Variants in SCAI observed in about 807,000 individuals in gnomAD.
SCAI encodes protein SCAI.
SCAI carries 24 observed loss-of-function variants against 92.2 expected under a neutral mutation model. That is an observed-to-expected ratio of 0.26 (90% CI 0.19 to 0.37). The LOEUF (loss-of-function observed/expected upper bound fraction) is 0.37, where lower values mean the gene tolerates loss of function less well. SCAI is among the 10% of genes least tolerant of loss of function. The probability of loss-of-function intolerance (pLI) is 1.00; values close to 1 mark genes in which losing one functional copy is unlikely to be tolerated. For synonymous variants in SCAI, 261 were observed against 258.6 expected, an observed-to-expected ratio of 1.01 and a Z score of -0.09; for missense variants, 450 against 736.2, an observed-to-expected ratio of 0.61 and a Z score of 4.50.
intron 2 of SCAI, among the ~76,000 whole-genome samples, chr9:125,083,816 C>G (rs1423650441): frequency 3.9e-5 from 6 of 151,994 alleles, no homozygotes; most frequent in Non-Finnish European, 5.9e-5. Flanking sequence ...TTTCTACACT[C>G]TGTGAAAGAC....
intron 2 of SCAI, among the ~76,000 whole-genome samples, chr9:125,087,311 A>C (rs184148137): frequency 3.3e-4 from 51 of 152,368 alleles, no homozygotes; most frequent in African/African-American, 1.1e-3. Flanking sequence ...AGTAGCAGCC[A>C]TCCAACAAAT....
At chr9:124,969,433 T>C (rs1034944046) in intron 17 of SCAI, among the ~76,000 whole-genome samples, 2 of 152,120 alleles carry the variant, frequency 1.3e-5, no homozygotes, top group African/African-American at 4.8e-5. Context: ...TATAGGTACA[T>C]CCATACACAA....
At chr9:125,034,024 G>A (rs192837721) in intron 3 of SCAI, among the ~76,000 whole-genome samples, 1 of 152,310 alleles carries the variant, frequency 6.6e-6, no homozygotes, top group East Asian at 1.9e-4. Flanking sequence ...GTTTGACAAA[G>A]AGGCTACAAA....
intron 5 of SCAI, among the ~76,000 whole-genome samples, chr9:125,027,839 T>C (rs1832993508): frequency 6.6e-6 from 1 of 152,178 alleles, no homozygotes; most frequent in Non-Finnish European, 1.5e-5. Context: ...AGATTACAAA[T>C]GGTCCAAGCC....
chr9:125,066,315 G>T (rs1163786594), intron 2 of SCAI, among the ~76,000 whole-genome samples: 1 of 152,126 alleles, frequency 6.6e-6, no homozygotes, highest in East Asian at 1.9e-4. Context: ...ATCTACAGAA[G>T]TGTATGGTCA....
chr9:125,029,999 C>T (rs1169806228), intron 3 of SCAI, among the ~76,000 whole-genome samples: 1 of 152,160 alleles, frequency 6.6e-6, no homozygotes, highest in Non-Finnish European at 1.5e-5. Context: ...TTCTGGTCCT[C>T]TCTTCCCTCT....
chr9:125,061,166 G>A lies in SCAI; in HGVS notation c.99-5159C>T, dbSNP rs536787892. On this transcript the variant is annotated intron_variant, in intron 2 of 17. Transcript: ENST00000336505. Reference sequence around the variant, plus strand: ...CAAAAAATTAGCTGGGCGTGGTGGCGGGCACCTGTAGTCCCAGCCACTCTG... The same window carrying A: ...CAAAAAATTAGCTGGGCGTGGTGGCAGGCACCTGTAGTCCCAGCCACTCTG... Among the ~76,000 whole-genome samples, 63 of 152,224 alleles carry A rather than the reference G, an allele frequency of 4.1e-4. No individual in the cohort carries two copies. In the East Asian group the frequency reaches 0.011, roughly 27 times the overall value.
chr9:124,991,179 C>A (rs1199355524), intron 14 of SCAI, among the ~76,000 whole-genome samples: 2 of 151,680 alleles, frequency 1.3e-5, no homozygotes, highest in Non-Finnish European at 2.9e-5. Context: ...ATGGGGAAAT[C>A]CCATCTCTAC....
chr9:125,026,231 G>A (rs957637154), intron 6 of SCAI, among the ~76,000 whole-genome samples: 9 of 152,182 alleles, frequency 5.9e-5, no homozygotes, highest in Non-Finnish European at 1.0e-4. Flanking sequence ...AAAATTAGCC[G>A]GGGGTGGTGA....
chr9:124,968,526 C>A, intron 17 of SCAI: 1 of 855,622 alleles, frequency 1.2e-6, no homozygotes. Flanking sequence ...ACCCAGTTTA[C>A]CAGTTAAGAC....
intron 3 of SCAI, among the ~76,000 whole-genome samples, chr9:125,049,418 C>T (rs1207819688): frequency 6.6e-6 from 1 of 152,208 alleles, no homozygotes; most frequent in East Asian, 1.9e-4. Context: ...ACCATGGCAA[C>T]CAGAACCCTG....
At chr9:125,075,685 C>G (rs1287986339) in intron 2 of SCAI, among the ~76,000 whole-genome samples, 1 of 151,892 alleles carries the variant, frequency 6.6e-6, no homozygotes, top group African/African-American at 2.4e-5. Flanking sequence ...CCTGCCTCAG[C>G]CTCCCAAGTA....
chr9:125,067,071 T>C (rs1313407382), intron 2 of SCAI, among the ~76,000 whole-genome samples: 2 of 152,142 alleles, frequency 1.3e-5, no homozygotes, highest in Non-Finnish European at 2.9e-5. Context: ...GCAACACGAC[T>C]GTATATATAA....
intron 2 of SCAI, among the ~76,000 whole-genome samples, chr9:125,081,821 G>A (rs982504792): frequency 7.9e-5 from 12 of 151,990 alleles, no homozygotes; most frequent in African/African-American, 2.4e-4. Context: ...CGCCCACCCC[G>A]GCTTCCCAAA....
chr9:125,083,427 AGAATTGCTT>A lies in SCAI; in HGVS notation c.99-27429_99-27421del, dbSNP rs1834261156. On this transcript the variant is annotated intron_variant, in intron 2 of 17. Coordinates refer to ENST00000336505, the MANE Select transcript of SCAI (RefSeq NM_001144877.3). ...CAGCTGCTCCAGAGGCTGAGGCAAG[AGAATTGCTT>A]GAACCCAGGAGGCGGAGGCTGCAGT... is the stretch of plus-strand genomic sequence containing the variant. Among the ~76,000 whole-genome samples the A allele has an allele frequency of 3.3e-5, 5 of 151,448 alleles. No individual in the cohort carries two copies. In the South Asian group the frequency reaches 1.0e-3, roughly 32 times the overall value.
At chr9:125,010,316 T>C (rs974007895) in intron 9 of SCAI, among the ~76,000 whole-genome samples, 2 of 152,090 alleles carry the variant, frequency 1.3e-5, no homozygotes, top group African/African-American at 4.8e-5. Flanking sequence ...GAAAATTGGG[T>C]CACTTCCACC....
At chr9:125,096,715 C>T (rs1225613010) in intron 2 of SCAI, among the ~76,000 whole-genome samples, 1 of 152,344 alleles carries the variant, frequency 6.6e-6, no homozygotes, top group African/African-American at 2.4e-5. Flanking sequence ...GGGAACCCAA[C>T]CTGAGGCAGT....
At chr9:125,138,552 C>T (rs578209167) in intron 2 of SCAI, among the ~76,000 whole-genome samples, 7 of 152,208 alleles carry the variant, frequency 4.6e-5, no homozygotes, top group Admixed American at 2.0e-4. Flanking sequence ...GTAGCTGGGA[C>T]TACAGGCACC....
intron 12 of SCAI, among the ~76,000 whole-genome samples, chr9:125,000,749 C>T (rs1832342058): frequency 6.6e-6 from 1 of 151,642 alleles, no homozygotes; most frequent in Non-Finnish European, 1.5e-5. Flanking sequence ...AATTCTCATT[C>T]ACAAAAACTT....
Sources: allele counts gnomAD v4.1 joint callset (sites outside exome capture counted in the v4.1 genomes callset), GRCh38; gene constraint gnomAD v4.1.1; transcripts MANE v1.5; gene names NCBI Gene and HGNC (gene_info 2026-07-23, HGNC 2026-07-21).